Variants in GALNT17 observed in about 807,000 individuals in gnomAD.
GALNT17 encodes polypeptide N-acetylgalactosaminyltransferase 17, also known as UDP-GalNAc:polypeptide N-acetylgalactosaminyltransferase-like 3.
GALNT17 carries 29 observed loss-of-function variants against 63.7 expected under a neutral mutation model. That is an observed-to-expected ratio of 0.46 (90% CI 0.34 to 0.62). GALNT17 has a LOEUF of 0.62. Among genes scored for constraint, GALNT17 ranks in the 20% least tolerant of loss-of-function variants. GALNT17 has a pLI of 0.01. For missense variants in GALNT17, 603 were observed against 799.6 expected (o/e 0.75, Z 2.97); for synonymous variants, 305 against 318.3 (o/e 0.96, Z 0.45).
At chr7:71,174,910 T>C (rs1788607920) in intron 1 of GALNT17, among the ~76,000 whole-genome samples, 1 of 152,184 alleles carries the variant, frequency 6.6e-6, no homozygotes, top group South Asian at 2.1e-4. Flanking sequence ...GTTTCTGTCT[T>C]TGGGGAGCGA....
chr7:71,200,093 G>A (rs192712804), intron 1 of GALNT17, among the ~76,000 whole-genome samples: 1 of 152,154 alleles, frequency 6.6e-6, no homozygotes, highest in African/African-American at 2.4e-5. Context: ...AACCCAGTAA[G>A]TACCTTTTGT....
rs540690044 is a variant in GALNT17 at position 71,453,839 on chromosome 7, G to T, written c.962+32734G>T. The stretch of plus-strand genomic sequence containing the variant: ...CCTTCTCTGCACAAATCCTCAGTGA[G>T]TGTTGAATATCTCATCAGGTCTGTT... On this transcript the variant is annotated intron_variant, in intron 5 of 10. Coordinates refer to ENST00000333538, the MANE Select transcript of GALNT17 (RefSeq NM_022479.3). Among the ~76,000 whole-genome samples the T allele has an allele frequency of 3.4e-3, 520 of 152,280 alleles. 1 individual carries two copies. Among genetic ancestry groups the T allele is most frequent in the Middle Eastern group, 0.02 (6 of 294 alleles).
chr7:71,450,599 AG>A (rs1438097243), intron 5 of GALNT17, among the ~76,000 whole-genome samples: 1 of 152,204 alleles, frequency 6.6e-6, no homozygotes, highest in Non-Finnish European at 1.5e-5. Flanking sequence ...ACGTTCACAG[AG>A]TTCTGCAACC....
chr7:71,645,035 C>G (rs2117013046), intron 6 of GALNT17, among the ~76,000 whole-genome samples: 1 of 152,296 alleles, frequency 6.6e-6, no homozygotes, highest in African/African-American at 2.4e-5. Context: ...TGCACACTGG[C>G]TTTTCAACCA....
chr7:71,158,776 C>T (rs7778265), intron 1 of GALNT17, among the ~76,000 whole-genome samples: 41,535 of 151,376 alleles, frequency 0.27, 6,300 homozygotes, highest in Middle Eastern at 0.36. Flanking sequence ...GGGGTTTCAC[C>T]GTGTTAGCCA....
At chr7:71,576,352 T>A (rs1050791328) in intron 6 of GALNT17, among the ~76,000 whole-genome samples, 1 of 152,184 alleles carries the variant, frequency 6.6e-6, no homozygotes, top group Non-Finnish European at 1.5e-5. Context: ...ATGATTTATT[T>A]ATTTTGGGTG....
intron 6 of GALNT17, among the ~76,000 whole-genome samples, chr7:71,648,845 CTT>C (rs2117019070): frequency 6.6e-6 from 1 of 152,316 alleles, no homozygotes; most frequent in African/African-American, 2.4e-5. Flanking sequence ...TTGGCAATGA[CTT>C]TGATTTCAAC....
intron 1 of GALNT17, among the ~76,000 whole-genome samples, chr7:71,274,105 T>C (rs546682163): frequency 2.0e-5 from 3 of 152,298 alleles, no homozygotes; most frequent in African/African-American, 7.2e-5. Context: ...TAGGGAACCT[T>C]CATTTGTGGC....
intron 1 of GALNT17, among the ~76,000 whole-genome samples, chr7:71,208,560 C>T (rs1789317538): frequency 6.6e-6 from 1 of 150,808 alleles, no homozygotes; most frequent in South Asian, 2.1e-4. Context: ...AAATGATCCT[C>T]CTGTCTCAGC....
At chr7:71,144,242 CA>C (rs1274741779) in intron 1 of GALNT17, among the ~76,000 whole-genome samples, 25 of 152,082 alleles carry the variant, frequency 1.6e-4, no homozygotes, top group Admixed American at 1.4e-3. Flanking sequence ...ATCCCCTTGT[CA>C]GCTCCTCGAG....
intron 1 of GALNT17, among the ~76,000 whole-genome samples, chr7:71,322,479 A>G (rs1006957493): frequency 2.6e-5 from 4 of 152,224 alleles, no homozygotes; most frequent in African/African-American, 9.6e-5. Context: ...TGAGCAGTTC[A>G]GTTAATGGGC....
chr7:71,359,924 A>G (rs1163436804), intron 2 of GALNT17, among the ~76,000 whole-genome samples: 1 of 152,166 alleles, frequency 6.6e-6, no homozygotes, highest in African/African-American at 2.4e-5. Context: ...TTTCAACCAG[A>G]TGAGATGTGG....
At chr7:71,616,182 G>C (rs2116961686) in intron 6 of GALNT17, among the ~76,000 whole-genome samples, 1 of 152,228 alleles carries the variant, frequency 6.6e-6, no homozygotes, top group East Asian at 1.9e-4. Flanking sequence ...AGGTGGTCAA[G>C]ACTGGGGCTC....
At chr7:71,427,116 G>C (rs1786773895) in intron 5 of GALNT17, among the ~76,000 whole-genome samples, 1 of 138,540 alleles carries the variant, frequency 7.2e-6, no homozygotes, top group South Asian at 2.4e-4. Context: ...GTCTTGCTCT[G>C]TCACCCAGGC....
chr7:71,690,841 A>G (rs1791433423), intron 9 of GALNT17, among the ~76,000 whole-genome samples: 1 of 152,228 alleles, frequency 6.6e-6, no homozygotes, highest in Admixed American at 6.5e-5. Context: ...AATTGCTGCA[A>G]TCTCATGATC....
At chr7:71,472,314 C>T (rs995237237) in intron 5 of GALNT17, among the ~76,000 whole-genome samples, 1 of 152,212 alleles carries the variant, frequency 6.6e-6, no homozygotes, top group African/African-American at 2.4e-5. Context: ...GGGACACAAA[C>T]ATTTAGCTCA....
intron 1 of GALNT17, among the ~76,000 whole-genome samples, chr7:71,196,843 G>A (rs1018691553): frequency 9.2e-5 from 14 of 151,758 alleles, no homozygotes; most frequent in African/African-American, 1.7e-4. Flanking sequence ...TAGTAGAGAC[G>A]GGGTTTCACC....
intron 5 of GALNT17, among the ~76,000 whole-genome samples, chr7:71,540,225 T>C (rs1562682478): frequency 1.4e-5 from 2 of 145,618 alleles, no homozygotes; most frequent in Non-Finnish European, 3.0e-5. Flanking sequence ...CAAGTGACTC[T>C]CCCATCTCAG....
chr7:71,491,339 C>A (rs1042806004), intron 5 of GALNT17, among the ~76,000 whole-genome samples: 1 of 152,160 alleles, frequency 6.6e-6, no homozygotes, highest in African/African-American at 2.4e-5. Flanking sequence ...GTACCAGCAG[C>A]CTTCATTTTT....
Sources: gnomAD v4.1 joint callset for allele counts (sites outside exome capture counted in the v4.1 genomes callset) on GRCh38, gnomAD v4.1.1 for gene constraint, MANE v1.5 for transcripts, NCBI Gene and HGNC (gene_info 2026-07-23, HGNC 2026-07-21) for gene names.